CDKN2B-AS1: variants seen among roughly 807,000 people sequenced by gnomAD.
CDKN2B-AS1 encodes CDKN2B and CDKN2A antisense cis and trans regulatory RNA 1.
At chr9:22,058,918 CCT>C in intron 4 of CDKN2B-AS1, 1 of 197,590 alleles carries the variant, frequency 5.1e-6, no homozygotes, top group Non-Finnish European at 9.9e-6. Context: ...AAAGCGGAAA[CCT>C]CTGATAAACC....
intron 1 of CDKN2B-AS1, chr9:22,004,148 G>A (rs1396958764): frequency 1.7e-5 from 4 of 232,300 alleles, no homozygotes; most frequent in Non-Finnish European, 3.4e-5. Flanking sequence ...TACAGATTAT[G>A]TGTCAATAAA....
intron 3 of CDKN2B-AS1, among the ~76,000 whole-genome samples, chr9:22,051,042 T>C (rs1235454028): frequency 3.3e-5 from 5 of 152,166 alleles, no homozygotes; most frequent in Non-Finnish European, 7.4e-5. Context: ...GTTCATATTG[T>C]CTACTTGGTT....
intron 4 of CDKN2B-AS1, among the ~76,000 whole-genome samples, chr9:22,067,934 A>G (rs1044668625): frequency 5.3e-5 from 8 of 152,188 alleles, no homozygotes; most frequent in Middle Eastern, 3.4e-3. Flanking sequence ...TCTTCTCCCT[A>G]TTTCAGGAAT....
intron 4 of CDKN2B-AS1, among the ~76,000 whole-genome samples, chr9:22,098,455 A>G (rs1157395641): frequency 2.6e-5 from 4 of 151,922 alleles, no homozygotes. Flanking sequence ...TTCTGAAACA[A>G]CACGATATGT....
At chr9:22,097,562 C>A (rs1429663532) in intron 4 of CDKN2B-AS1, among the ~76,000 whole-genome samples, 1 of 152,184 alleles carries the variant, frequency 6.6e-6, no homozygotes, top group East Asian at 1.9e-4. Context: ...CCTCCTTATA[C>A]CACTAGCTTT....
Position 22,070,320 on chromosome 9 carries a change from A to C in CDKN2B-AS1, n.438+13933A>C, listed in dbSNP as rs571407054. 1.2e-4 allele frequency among the ~76,000 whole-genome samples: 18 copies of C among 152,308 alleles called. No individual in the cohort carries two copies. In the South Asian group the frequency reaches 3.5e-3, roughly 30 times the overall value. Reference sequence around the variant, plus strand: ...TTCAGACACTGTATTTGGTCCTGGGAAAACACAGATAAATAATATATAATT... The same window carrying C: ...TTCAGACACTGTATTTGGTCCTGGGCAAACACAGATAAATAATATATAATT... On this transcript the variant is annotated intron_variant and non_coding_transcript_variant, in intron 4 of 4. Coordinates refer to ENST00000650946, the Ensembl canonical transcript of CDKN2B-AS1.
intron 1 of CDKN2B-AS1, among the ~76,000 whole-genome samples, chr9:22,040,840 G>A (rs76213463): frequency 0.089 from 13,563 of 152,076 alleles, 614 homozygotes; most frequent in Middle Eastern, 0.15. Flanking sequence ...CTGTCAGTCA[G>A]TGTTAGCATC....
At chr9:22,033,467 A>T (rs1057012240) in intron 1 of CDKN2B-AS1, among the ~76,000 whole-genome samples, 7 of 152,054 alleles carry the variant, frequency 4.6e-5, no homozygotes, top group African/African-American at 1.2e-4. Context: ...CACTATAAAA[A>T]CTTTTAACAA....
intron 4 of CDKN2B-AS1, among the ~76,000 whole-genome samples, chr9:22,111,566 A>T (rs1282978885): frequency 7.9e-6 from 1 of 127,324 alleles, no homozygotes; most frequent in African/African-American, 3.6e-5. Context: ...AAAACTATAC[A>T]TTTCACATTA....
intron 4 of CDKN2B-AS1, among the ~76,000 whole-genome samples, chr9:22,075,051 A>T (rs942120172): frequency 1.3e-5 from 2 of 152,246 alleles, no homozygotes; most frequent in African/African-American, 4.8e-5. Context: ...TCATGGTAGC[A>T]ATATACAGTT....
chr9:22,105,444 A>C (rs1467241374), intron 4 of CDKN2B-AS1, among the ~76,000 whole-genome samples: 1 of 152,196 alleles, frequency 6.6e-6, no homozygotes, highest in East Asian at 1.9e-4. Flanking sequence ...GCATGATTGC[A>C]TGAAGCGGGG....
rs866457591 is a variant in CDKN2B-AS1, at chr9:22,006,138, C to T, written n.29+10977C>T. The T allele has an allele frequency of 1.2e-6, 2 of 1,611,374 alleles. No individual in the cohort carries two copies. Among genetic ancestry groups the T allele is most frequent in the African/African-American group, 1.3e-5 (1 of 74,932 alleles). ...CACCAGCGTGTCCAGGAAGCCCTCC[C>T]GGGCAGCATCATGCACCGGTCGGGT... On this transcript the variant is annotated intron_variant and non_coding_transcript_variant, in intron 1 of 4. Coordinates refer to ENST00000650946, the Ensembl canonical transcript of CDKN2B-AS1. The surrounding 1 kb of genome is among the most constrained non-coding windows in gnomAD (Gnocchi z 6.4).
In CDKN2B-AS1 at chr9:21,996,969, AC is replaced by A. The variant is rs1236194908; in HGVS notation, n.29+1811del. On this transcript the variant is annotated intron_variant and non_coding_transcript_variant, in intron 1 of 4. Coordinates refer to ENST00000650946, the Ensembl canonical transcript of CDKN2B-AS1. The surrounding 1 kb of genome is among the most constrained non-coding windows in gnomAD (Gnocchi z 5.4). ...TCAGTCAGTTCTCCAGGGAAACAGA[AC>A]CCATTGTGTGTGTGTGCGTGCCAGT... 6.6e-6 allele frequency among the ~76,000 whole-genome samples: 1 copy of A among 152,124 alleles called. No homozygotes were observed. The highest frequency in any genetic ancestry group is 1.5e-5 in the Non-Finnish European group (1 of 68,028).
chr9:22,103,037 A>C (rs1825537083), intron 4 of CDKN2B-AS1, among the ~76,000 whole-genome samples: 1 of 152,120 alleles, frequency 6.6e-6, no homozygotes, highest in Non-Finnish European at 1.5e-5. Context: ...AACCAGGAGT[A>C]CAAACAAACA....
intron 4 of CDKN2B-AS1, among the ~76,000 whole-genome samples, chr9:22,102,128 C>T (rs531984239): frequency 1.3e-5 from 2 of 152,180 alleles, no homozygotes; most frequent in African/African-American, 2.4e-5. Flanking sequence ...AAGATTTGGC[C>T]GTATTGGGCT....
At chr9:22,061,040 A>G (rs1281112741) in intron 4 of CDKN2B-AS1, among the ~76,000 whole-genome samples, 2 of 152,342 alleles carry the variant, frequency 1.3e-5, no homozygotes, top group African/African-American at 4.8e-5. Context: ...TTTTAAAAAA[A>G]CAAACTTTTG....
intron 4 of CDKN2B-AS1, chr9:22,097,143 T>C (rs931775697): frequency 1.3e-5 from 2 of 152,288 alleles, no homozygotes; most frequent in African/African-American, 4.8e-5. Context: ...CTGCACTGTG[T>C]GCGCGTGACA....
chr9:22,127,020 CT>C (rs1265409593), intron 4 of CDKN2B-AS1, among the ~76,000 whole-genome samples: 3 of 152,162 alleles, frequency 2.0e-5, no homozygotes, highest in Non-Finnish European at 4.4e-5. Flanking sequence ...AAACAAGATA[CT>C]TTTTTGTTGT....
chr9:21,998,562 G>A (rs555601645), intron 1 of CDKN2B-AS1, among the ~76,000 whole-genome samples: 8 of 152,194 alleles, frequency 5.3e-5, no homozygotes, highest in Non-Finnish European at 7.3e-5. Flanking sequence ...CACTTATGCA[G>A]ACAGAATCAC....
Sources: allele counts gnomAD v4.1 joint callset (sites outside exome capture counted in the v4.1 genomes callset), GRCh38; gene constraint gnomAD v4.1.1; non-coding constraint Gnocchi (gnomAD v3.1); transcripts MANE v1.5; gene names NCBI Gene and HGNC (gene_info 2026-07-23, HGNC 2026-07-21).